HOXA11: variants seen among roughly 807,000 people sequenced by gnomAD.
The protein encoded by HOXA11 is homeobox A11.
HOXA11 carries 8 observed loss-of-function variants against 22.5 expected under a neutral mutation model. That is an observed-to-expected ratio of 0.36 (90% CI 0.21 to 0.64). HOXA11 has a LOEUF of 0.64. HOXA11 is among the 30% of genes least tolerant of loss of function. The pLI, the probability that HOXA11 is intolerant of heterozygous loss-of-function variation, is 0.67. For missense variants in HOXA11, 388 were observed against 429.0 expected, an observed-to-expected ratio of 0.90 and a Z score of 0.84; for synonymous variants, 211 against 188.4, an observed-to-expected ratio of 1.12 and a Z score of -0.98.
chr7:27,183,633 G>A (rs1783803652), intron 1 of HOXA11, among the ~76,000 whole-genome samples: 1 of 151,934 alleles, frequency 6.6e-6, no homozygotes, highest in Non-Finnish European at 1.5e-5. Flanking sequence ...CCTTCGCTGA[G>A]CACCACGGCC....
In HOXA11 at chr7:27,181,642, TTTC is replaced by T. The variant is rs1442338838; in HGVS notation, c.*1151_*1153del. On this transcript the variant is annotated 3_prime_UTR_variant, in exon 2 of 2. Coordinates refer to ENST00000006015, the MANE Select transcript of HOXA11 (RefSeq NM_005523.6). ...GTAAACAGATAGGGCCTTTAAATAT[TTTC>T]ATCATCTCTTTTCCCCTCTACATTG... 19 of 182,296 alleles carry T rather than the reference TTTC, an allele frequency of 1.0e-4. No homozygotes were observed. The highest frequency in any genetic ancestry group is 1.9e-4 in the Non-Finnish European group (16 of 85,534). 11.3% of individuals were successfully genotyped at this position (182,296 alleles called of 1,614,324 possible).
In HOXA11 at chr7:27,182,193, G is replaced by T. The variant is rs1005659052; in HGVS notation, c.*603C>A. On this transcript the variant is annotated 3_prime_UTR_variant, in exon 2 of 2. Transcript: ENST00000006015. ...GCTGGATCAGTGTGGTGGGTGGCTA[G>T]GAGGAGTGGAAAGACACTGATGCCA... 8 of 244,836 alleles carry T rather than the reference G, an allele frequency of 3.3e-5. No homozygotes were observed. In the Admixed American group the frequency reaches 4.0e-4, roughly 12 times the overall value. 15.2% of individuals were successfully genotyped at this position (244,836 alleles called of 1,614,324 possible).
In HOXA11 at chr7:27,184,480, G is replaced by T; in HGVS notation, c.665C>A (p.Pro222His). The T allele has an allele frequency of 6.4e-7, 1 of 1,552,186 alleles. No homozygotes were observed. The highest frequency in any genetic ancestry group is 1.2e-5 in the South Asian group (1 of 84,164). ...CTCAGTGTGGCCGGAAGACGACTCG[G>T]GGCTGCTGCTGCTCTCGGGGCGCCG... ...RRRRPESSSSPESSSGHTEDK... is the reference protein window; with the variant it reads ...RRRRPESSSSHESSSGHTEDK... The change falls in exon 1 of 2, where the codon CCC becomes CAC. Residue 222 changes from proline to histidine, a missense_variant. Coordinates refer to ENST00000006015, the MANE Select transcript of HOXA11 (RefSeq NM_005523.6).
At position 27,185,165 on chromosome 7, in the gene HOXA11, T is replaced by C; in HGVS notation, c.-21A>G. Reference sequence around the variant, plus strand: ...TCCATTATTGGGCTACCTTGGGCTCTCCGCAGTAGCCGAGCTTAACATGAT... The same window carrying C: ...TCCATTATTGGGCTACCTTGGGCTCCCCGCAGTAGCCGAGCTTAACATGAT... On this transcript the variant is annotated 5_prime_UTR_variant, in exon 1 of 2. Coordinates refer to ENST00000006015, the MANE Select transcript of HOXA11 (RefSeq NM_005523.6). The C allele has an allele frequency of 6.2e-7, 1 of 1,613,502 alleles. No homozygotes were observed. Among genetic ancestry groups the C allele is most frequent in the Non-Finnish European group, 8.5e-7 (1 of 1,179,990 alleles).
In HOXA11 at chr7:27,185,009, A is replaced by C; in HGVS notation, c.136T>G (p.Ser46Ala). The change falls in exon 1 of 2, where the codon TCC (serine) becomes GCC (alanine). Residue 46 changes from serine to alanine, a missense_variant. Ser to Ala is a moderately conservative substitution (Grantham distance 99). Coordinates refer to ENST00000006015, the MANE Select transcript of HOXA11 (RefSeq NM_005523.6). ...QTPSSRPMTYSYSSNLPQVQP... is the reference protein window; with the variant it reads ...QTPSSRPMTYAYSSNLPQVQP... ...ACCTGGGGCAGGTTGGAGGAGTAGG[A>C]GTATGTCATTGGGCGCGAAGACGGG... 1.2e-6 allele frequency: 2 copies of C among 1,614,062 alleles called. No individual in the cohort carries two copies. The highest frequency in any genetic ancestry group is 1.7e-6 in the Non-Finnish European group (2 of 1,179,984).
chr7:27,184,818 C>T lies in HOXA11; in HGVS notation c.327G>A (p.Lys109=). 2.5e-6 allele frequency: 4 copies of T among 1,613,784 alleles called. No homozygotes were observed. The highest frequency in any genetic ancestry group is 1.7e-5 in the Admixed American group (1 of 60,018). ...AAGVPGDVLA[K]SSANVYHHPT... is the part of the protein sequence containing the mutation. ...GGTGGTGGTAGACGTTGGCCGAGCT[C>T]TTGGCCAGCACGTCGCCAGGCACGC... Residue 109 remains lysine, a synonymous_variant, in exon 1 of 2, where the codon AAG becomes AAA. Coordinates refer to ENST00000006015, the MANE Select transcript of HOXA11 (RefSeq NM_005523.6).
In HOXA11 at chr7:27,184,768, A is replaced by T. The variant is rs1303742662; in HGVS notation, c.377T>A (p.Phe126Tyr). 3 of 1,613,808 alleles carry T rather than the reference A, an allele frequency of 1.9e-6. No homozygotes were observed. The highest frequency in any genetic ancestry group is 8.5e-7 in the Non-Finnish European group (1 of 1,179,922). The change falls in exon 1 of 2, where the codon TTC (phenylalanine) becomes TAC (tyrosine). Residue 126 changes from phenylalanine to tyrosine, a missense_variant. By Grantham distance (22) the Phe-to-Tyr change is conservative. This residue lies in a region of HOXA11 where 295 missense variants were observed against 281.1 expected (regional missense o/e 1.05). Transcript: ENST00000006015. ...GCCGTTCCTGCCCACGGTGCTATAG[A>T]AATTGGACGAGACTGCGGGGGTGGG... is the stretch of plus-strand genomic sequence containing the variant. ...HHPTPAVSSN[F>Y]YSTVGRNGVL... is the part of the protein sequence containing the mutation.
Position 27,184,851 on chromosome 7 carries a change from G to C in HOXA11, c.294C>G (p.Ser98Arg). 3 of 1,612,738 alleles carry C rather than the reference G, an allele frequency of 1.9e-6. No homozygotes were observed. Among genetic ancestry groups the C allele is most frequent in the Non-Finnish European group, 2.5e-6 (3 of 1,179,584 alleles). ...LVHRDCLQAP[S>R]AAGVPGDVLA... ...GCACGTCGCCAGGCACGCCGGCCGC[G>C]CTGGGCGCCTGCAGGCAGTCTCTGT... is the stretch of plus-strand genomic sequence containing the variant. The change falls in exon 1 of 2, where the codon AGC (serine) becomes AGG (arginine). Residue 98 changes from serine to arginine, a missense_variant. This residue lies in a region of HOXA11 where 295 missense variants were observed against 281.1 expected (regional missense o/e 1.05). Transcript: ENST00000006015.
chr7:27,184,414 A>C, intron 1 of HOXA11, 22 bp downstream of exon 1: 2 of 1,572,566 alleles, frequency 1.3e-6, no homozygotes. Context: ...CATAAAGCGC[A>C]GGGCGCTGCC....
In HOXA11 at chr7:27,185,147, T is replaced by C. The variant is rs1583442045; in HGVS notation, c.-3A>G. ...GGACCACGCTCATCAAAATCCATTATTGGGCTACCTTGGGCTCTCCGCAGT... is the reference window on the plus strand; with the variant it reads ...GGACCACGCTCATCAAAATCCATTACTGGGCTACCTTGGGCTCTCCGCAGT... On this transcript the variant is annotated 5_prime_UTR_variant, in exon 1 of 2. Transcript: ENST00000006015. 13 of 1,613,776 alleles carry C rather than the reference T, an allele frequency of 8.1e-6. No individual in the cohort carries two copies. The highest frequency in any genetic ancestry group is 1.0e-5 in the Non-Finnish European group (12 of 1,180,022).
In HOXA11 at chr7:27,184,753, C is replaced by A. The variant is rs1783833965; in HGVS notation, c.392G>T (p.Gly131Val). The change falls in exon 1 of 2, where the codon GGC becomes GTC. Residue 131 changes from glycine (G) to valine (V), a missense_variant. By Grantham distance (109) the Gly-to-Val change is moderately radical. Transcript: ENST00000006015. Reference protein sequence around the residue: ...AVSSNFYSTVGRNGVLPQAFD... With the variant: ...AVSSNFYSTVVRNGVLPQAFD... ...AGCCTGTGGCAGGACGCCGTTCCTG[C>A]CCACGGTGCTATAGAAATTGGACGA... 4 of 1,613,834 alleles carry A rather than the reference C, an allele frequency of 2.5e-6. No individual in the cohort carries two copies. Among genetic ancestry groups the A allele is most frequent in the Non-Finnish European group, 3.4e-6 (4 of 1,179,946 alleles).
chr7:27,184,064 G>A lies in HOXA11; in HGVS notation c.709+372C>T, dbSNP rs541797143. The stretch of plus-strand genomic sequence containing the variant: ...ACACATGGCTTTTATAAAAATCTCC[G>A]GATTACCTCGCTATCAAAAGCTCCC... On this transcript the variant is annotated intron_variant, in intron 1 of 1. Transcript: ENST00000006015. Among the ~76,000 whole-genome samples the A allele has an allele frequency of 1.4e-4, 22 of 152,234 alleles. No individual in the cohort carries two copies. The South Asian group carries it at 4.6e-3, about 32-fold the overall frequency.
rs148277011 is a variant in HOXA11, at chr7:27,184,213, G to GT, written c.709+222dup. On this transcript the variant is annotated intron_variant, in intron 1 of 1. Transcript: ENST00000006015. ...AGGGAAAAAAGGGAAAAGGGGAGTT[G>GT]TTTTTTTTTGCAGGCATGCCTTGGC... 2.1e-4 allele frequency among the ~76,000 whole-genome samples: 32 copies of GT among 150,888 alleles called. 2 individuals carry two copies. Among genetic ancestry groups the GT allele is most frequent in the East Asian group, 3.9e-4 (2 of 5,136 alleles).
chr7:27,185,035 G>T lies in HOXA11; in HGVS notation c.110C>A (p.Thr37Asn). 2 of 1,614,208 alleles carry T rather than the reference G, an allele frequency of 1.2e-6. No homozygotes were observed. Among genetic ancestry groups the T allele is most frequent in the Admixed American group, 3.3e-5 (2 of 60,028 alleles). Reference protein sequence around the residue: ...FSSLPSFLPQTPSSRPMTYSY... With the variant: ...FSSLPSFLPQNPSSRPMTYSY... ...GTATGTCATTGGGCGCGAAGACGGG[G>T]TCTGGGGCAGAAAAGAAGGGAGGCT... Residue 37 changes from threonine to asparagine, a missense_variant, in exon 1 of 2, where the codon ACC becomes AAC. Coordinates refer to ENST00000006015, the MANE Select transcript of HOXA11 (RefSeq NM_005523.6).
At position 27,184,614 on chromosome 7, in the gene HOXA11, C is replaced by A; in HGVS notation, c.531G>T (p.Ala177=). 1 of 1,520,862 alleles carries A rather than the reference C, an allele frequency of 6.6e-7. No homozygotes were observed. The highest frequency in any genetic ancestry group is 8.8e-7 in the Non-Finnish European group (1 of 1,135,372). 94.2% of individuals were successfully genotyped at this position (1,520,862 alleles called of 1,614,324 possible). ...CGCCCGTTGCAGCCGCCGCCGCCGC[C>A]GCGGAGGTCGCCGTGGCCGCCGGGG... ...KGPPAATATS[A]AAAAAATGAP... is the part of the protein sequence containing the mutation. Residue 177 remains alanine (A), a synonymous_variant, in exon 1 of 2, where the codon GCG becomes GCT. Coordinates refer to ENST00000006015, the MANE Select transcript of HOXA11 (RefSeq NM_005523.6).
In HOXA11 at chr7:27,182,616, T is replaced by C; in HGVS notation, c.*180A>G. On this transcript the variant is annotated 3_prime_UTR_variant, in exon 2 of 2. Transcript: ENST00000006015. The stretch of plus-strand genomic sequence containing the variant: ...AGAATCCAATGATTATTAGGAATCT[T>C]AACCACTGAGATCTTAATCAAGAGA... 1.5e-6 allele frequency: 1 copy of C among 668,612 alleles called. No homozygotes were observed. The highest frequency in any genetic ancestry group is 1.8e-5 in the African/African-American group (1 of 56,022). The allele number at this position is 668,612 out of a possible 1,614,324, so 41.4% of individuals were successfully genotyped here.
rs3210747 is a variant in HOXA11, at chr7:27,182,503, A to G, written c.*293T>C. On this transcript the variant is annotated 3_prime_UTR_variant, in exon 2 of 2. Coordinates refer to ENST00000006015, the MANE Select transcript of HOXA11 (RefSeq NM_005523.6). ...CTGGCAGGGGCCCAATCCCCAGTGG[A>G]GACCACACCCAGCCCGCAGCTCTGC... 8 of 490,200 alleles carry G rather than the reference A, an allele frequency of 1.6e-5. No homozygotes were observed. Among genetic ancestry groups the G allele is most frequent in the Non-Finnish European group, 3.0e-5 (8 of 268,738 alleles). 30.4% of individuals were successfully genotyped at this position (490,200 alleles called of 1,614,324 possible).
At chr7:27,183,373 G>T (rs564584346) in intron 1 of HOXA11, among the ~76,000 whole-genome samples, 1 of 152,368 alleles carries the variant, frequency 6.6e-6, no homozygotes, top group Admixed American at 6.5e-5. Context: ...CCTCTCGCAG[G>T]CCAGACTAAA....
rs531539297 is a variant in HOXA11, at chr7:27,184,659, G to C, written c.486C>G (p.Asp162Glu). The C allele has an allele frequency of 6.8e-5, 110 of 1,611,012 alleles. 1 individual carries two copies. The South Asian group carries it at 1.1e-3, about 16-fold the overall frequency. The change falls in exon 1 of 2, where the codon GAC (aspartate) becomes GAG (glutamate). Residue 162 changes from aspartate to glutamate, a missense_variant. Transcript: ENST00000006015. The part of the protein sequence containing the change: ...ENLASSDYPG[D>E]KSAEKGPPAA... ...CCGGGGGCCCCTTCTCGGCGCTCTT[G>C]TCCCCGGGGTAGTCGGAGGAGGCGA...
Sources: gnomAD v4.1 joint callset for allele counts (sites outside exome capture counted in the v4.1 genomes callset) on GRCh38, gnomAD v4.1.1 for gene constraint, gnomAD v4.1.1 regional missense constraint, MANE v1.5 for transcripts, NCBI Gene and HGNC (gene_info 2026-07-23, HGNC 2026-07-21) for gene names.